The following FCGR2A variants were observed in gnomAD, a reference collection of about 807,000 sequenced individuals.
The protein encoded by FCGR2A is low affinity immunoglobulin gamma Fc region receptor II-a.
FCGR2A carries 18 observed loss-of-function variants against 29.3 expected under a neutral mutation model. The ratio of observed to expected loss-of-function variants is 0.62; its 90% CI spans 0.43 to 0.91. The LOEUF is 0.91. Among genes scored for constraint, FCGR2A ranks in the 40% least tolerant of loss-of-function variants. FCGR2A has a pLI of 0.00. For synonymous variants in FCGR2A, 126 were observed against 144.8 expected, an observed-to-expected ratio of 0.87 and a Z score of 0.93; for missense variants, 287 against 393.0, an observed-to-expected ratio of 0.73 and a Z score of 2.28.
downstream of FCGR2A, among the ~76,000 whole-genome samples, chr1:161,520,891 C>G (rs7525868): frequency 1.1e-3 from 164 of 151,840 alleles, 2 homozygotes; most frequent in Non-Finnish European, 3.8e-4. Flanking sequence ...TCTTCACTCT[C>G]TCTGACCTCA....
intron 6 of FCGR2A, among the ~76,000 whole-genome samples, chr1:161,517,676 A>C (rs1249367539): frequency 1.3e-5 from 2 of 151,986 alleles, no homozygotes; most frequent in African/African-American, 4.8e-5. Flanking sequence ...ATGACTTGAA[A>C]CTTTATCATG....
intron 5 of FCGR2A, 145 bp downstream of exon 5, chr1:161,511,101 T>A (rs976643371): frequency 4.5e-6 from 6 of 1,326,116 alleles, no homozygotes; most frequent in Non-Finnish European, 6.4e-6. Flanking sequence ...ATTTATTAGT[T>A]CATCCTCAAC....
downstream of FCGR2A, chr1:161,519,856 A>C (rs539886752): frequency 6.6e-6 from 1 of 152,310 alleles, no homozygotes; most frequent in African/African-American, 2.4e-5. Flanking sequence ...GGCAAACTTC[A>C]GGTGAATTGT....
At chr1:161,506,235 T>A (rs1192002885) in intron 2 of FCGR2A, 99 bp from the exon 3 acceptor site, 21 of 1,483,852 alleles carry the variant, frequency 1.4e-5, no homozygotes, top group Non-Finnish European at 1.0e-5. Context: ...ACATCTACAA[T>A]AGGACTCTTG....
chr1:161,510,157 T>C, intron 4 of FCGR2A, 83 bp downstream of exon 4: 2 of 1,581,364 alleles, frequency 1.3e-6, no homozygotes, highest in East Asian at 2.2e-5. Flanking sequence ...CATGGAGGTC[T>C]GAGAAAGCCC....
intron 6 of FCGR2A, among the ~76,000 whole-genome samples, chr1:161,515,095 T>C (rs1304540127): frequency 6.6e-6 from 1 of 152,304 alleles, no homozygotes; most frequent in Non-Finnish European, 1.5e-5. Context: ...GAAAAAATTG[T>C]TCATTTAAGG....
At chr1:161,510,728 A>G in intron 4 of FCGR2A, 106 bp from the exon 5 acceptor site, 2 of 1,422,438 alleles carry the variant, frequency 1.4e-6, no homozygotes, top group South Asian at 1.3e-5. Flanking sequence ...TTCAGGTGAC[A>G]AGCACTGGGA....
chr1:161,505,774 G>A, intron 1 of FCGR2A: 1 of 711,924 alleles, frequency 1.4e-6, no homozygotes, highest in Non-Finnish European at 2.5e-6. Flanking sequence ...AAACATTCAT[G>A]TGTACTTTGT....
In FCGR2A at chr1:161,506,383, G is replaced by A. The variant is rs1460811146; in HGVS notation, c.156G>A (p.Val52=). ...AACTTGAGCCCCCGTGGATCAACGT[G>A]CTCCAGGAGGACTCTGTGACTCTGA... ...VLKLEPPWIN[V]LQEDSVTLTC... The change falls in exon 3 of 7, where the codon GTG becomes GTA. Residue 52 remains valine, a synonymous_variant. Coordinates refer to ENST00000271450, the MANE Select transcript of FCGR2A (RefSeq NM_001136219.3). 1 of 1,614,198 alleles carries A rather than the reference G, an allele frequency of 6.2e-7. No homozygotes were observed. The highest frequency in any genetic ancestry group is 8.5e-7 in the Non-Finnish European group (1 of 1,180,030).
intron 2 of FCGR2A, 33 bp downstream of exon 2, chr1:161,506,040 G>A (rs2102455211): frequency 6.2e-7 from 1 of 1,605,364 alleles, no homozygotes; most frequent in Non-Finnish European, 8.5e-7. Context: ...TGTATTGACA[G>A]TGTTGTATCC....
chr1:161,523,866 AC>A (rs1421720465), downstream of FCGR2A: 3 of 151,922 alleles, frequency 2.0e-5, no homozygotes, highest in African/African-American at 7.3e-5. Flanking sequence ...CGGGAATCGA[AC>A]CCGGGCCTCC....
At chr1:161,515,229 A>G (rs1240424161) in intron 6 of FCGR2A, among the ~76,000 whole-genome samples, 2 of 152,252 alleles carry the variant, frequency 1.3e-5, no homozygotes, top group East Asian at 1.9e-4. Context: ...AATCTTTACA[A>G]TGTGCTAATA....
chr1:161,512,489 G>A (rs1358385501), intron 5 of FCGR2A, among the ~76,000 whole-genome samples: 1 of 149,634 alleles, frequency 6.7e-6, no homozygotes, highest in African/African-American at 2.4e-5. Flanking sequence ...CCCTGATGGG[G>A]TTCAGTCTCC....
intron 6 of FCGR2A, chr1:161,514,981 C>T (rs1267916614): frequency 1.3e-5 from 2 of 152,168 alleles, no homozygotes; most frequent in African/African-American, 4.8e-5. Flanking sequence ...ATAATATGGG[C>T]CCAGAACCTG....
rs896295020 is a variant in FCGR2A at position 161,510,199 on chromosome 1, G to C, written c.619+125G>C. On this transcript the variant is annotated intron_variant, in intron 4 of 6. Transcript: ENST00000271450. The stretch of plus-strand genomic sequence containing the variant: ...GCAAAATTGGGCACTGGAGCAAAGA[G>C]GAGTGGGGTGGAAGCCTGGCTAAGT... 4 of 1,509,354 alleles carry C rather than the reference G, an allele frequency of 2.7e-6. No homozygotes were observed. The African/African-American group carries it at 5.6e-5, about 21-fold the overall frequency. The allele number at this position is 1,509,354 out of a possible 1,614,324, so 93.5% of individuals were successfully genotyped here. A position where few individuals can be genotyped will look rare whatever the true frequency, so the allele number is the denominator to read the frequency against.
intron 3 of FCGR2A, among the ~76,000 whole-genome samples, chr1:161,508,354 C>T (rs1261510463): frequency 2.7e-5 from 4 of 150,546 alleles, no homozygotes; most frequent in South Asian, 2.1e-4. Context: ...TTTGGGAGGA[C>T]GAGGTGGATG....
chr1:161,517,304 T>G (rs1222322687), intron 6 of FCGR2A, among the ~76,000 whole-genome samples: 1 of 152,084 alleles, frequency 6.6e-6, no homozygotes, highest in Non-Finnish European at 1.5e-5. Context: ...AAGAAATGGT[T>G]GAAGATCTCA....
Position 161,506,462 on chromosome 1 carries a change from G to A in FCGR2A, c.235G>A (p.Gly79Arg). Reference sequence around the variant, plus strand: ...CGACTCCATTCAGTGGTTCCACAATGGGAATCTCATTCCCACCCACACGCA... The same window carrying A: ...CGACTCCATTCAGTGGTTCCACAATAGGAATCTCATTCCCACCCACACGCA... Reference protein sequence around the residue: ...ESDSIQWFHNGNLIPTHTQPS... With the variant: ...ESDSIQWFHNRNLIPTHTQPS... Residue 79 changes from glycine to arginine, a missense_variant, in exon 3 of 7, where the codon GGG (glycine) becomes AGG (arginine). Gly to Arg is a moderately radical substitution (Grantham distance 125). Around this residue, in one of 3 missense-constraint regions of FCGR2A, gnomAD observed 181 missense variants for 250.9 expected, o/e 0.72. Transcript: ENST00000271450. 1 of 1,614,204 alleles carries A rather than the reference G, an allele frequency of 6.2e-7. No homozygotes were observed. The highest frequency in any genetic ancestry group is 8.5e-7 in the Non-Finnish European group (1 of 1,180,032).
intron 5 of FCGR2A, among the ~76,000 whole-genome samples, chr1:161,512,679 G>A: frequency 6.6e-6 from 1 of 151,898 alleles, no homozygotes. Context: ...AGTAGGAACA[G>A]GCAGGAAAAA....
Sources: gnomAD v4.1 joint callset for allele counts (sites outside exome capture counted in the v4.1 genomes callset) on GRCh38, gnomAD v4.1.1 for gene constraint, gnomAD v4.1.1 regional missense constraint, MANE v1.5 for transcripts, NCBI Gene and HGNC (gene_info 2026-07-23, HGNC 2026-07-21) for gene names.